UBA3: variants seen among roughly 807,000 people sequenced by gnomAD.
UBA3 encodes ubiquitin like modifier activating enzyme 3.
A neutral mutation model predicts 73.5 loss-of-function variants in UBA3; 26 were observed. The observed-to-expected ratio is 0.35, with a 90% CI of 0.26 to 0.49. The LOEUF is 0.49. UBA3 is among the 20% of genes least tolerant of loss of function. UBA3 has a pLI of 0.98. For synonymous variants in UBA3, 217 were observed against 191.2 expected, an observed-to-expected ratio of 1.13 and a Z score of -1.11; for missense variants, 495 against 555.6, an observed-to-expected ratio of 0.89 and a Z score of 1.10.
chr3:69,062,119 A>T lies in UBA3; in HGVS notation c.754T>A (p.Tyr252Asn). The change falls in exon 10 of 18, where the codon TAT (tyrosine) becomes AAT (asparagine). Residue 252 changes from tyrosine (Y) to asparagine (N), a missense_variant. Transcript: ENST00000361055. ...MPRLPEHCIE[Y>N]VRMLQWPKEQ... ...TTAGGCCACTGCAACATCCTTACAT[A>T]CTCAATACAGTGTTCTGGTAGCCTG... 6.2e-7 allele frequency: 1 copy of T among 1,613,690 alleles called. No homozygotes were observed. The highest frequency in any genetic ancestry group is 8.5e-7 in the Non-Finnish European group (1 of 1,179,754).
At position 69,061,946 on chromosome 3, in the gene UBA3, G is replaced by GA; in HGVS notation, c.797-20_797-19insT. 4.4e-6 allele frequency: 6 copies of GA among 1,375,844 alleles called. No homozygotes were observed. The highest frequency in any genetic ancestry group is 2.8e-5 in the South Asian group (2 of 72,360). The allele number at this position is 1,375,844 out of a possible 1,614,324, so 85.2% of individuals were successfully genotyped here. On this transcript the variant is annotated intron_variant, in intron 10 of 17. Transcript: ENST00000361055. The stretch of plus-strand genomic sequence containing the variant: ...ACCCCTTCTGTTTAAAAAAAAAAAG[G>GA]GAGAGAGAGAGAGAGAGAAGACAGG...
At chr3:69,078,716 G>A (rs747020089) in intron 2 of UBA3, among the ~76,000 whole-genome samples, 9 of 152,028 alleles carry the variant, frequency 5.9e-5, no homozygotes, top group Non-Finnish European at 8.8e-5. Flanking sequence ...CAAGTAATCC[G>A]TCCACCTCGG....
chr3:69,067,852 C>T, intron 6 of UBA3, 76 bp downstream of exon 6: 1 of 1,118,154 alleles, frequency 8.9e-7, no homozygotes, highest in Non-Finnish European at 1.3e-6. Context: ...TATCTGTATT[C>T]TCTGTTAAAT....
At chr3:69,079,405 C>A (rs974430123) in intron 2 of UBA3, among the ~76,000 whole-genome samples, 10 of 152,190 alleles carry the variant, frequency 6.6e-5, no homozygotes, top group Admixed American at 4.6e-4. Flanking sequence ...GGAATCGGCA[C>A]GGAAATTTAC....
At chr3:69,067,140 T>A (rs950944508) in intron 6 of UBA3, among the ~76,000 whole-genome samples, 1 of 152,218 alleles carries the variant, frequency 6.6e-6, no homozygotes, top group African/African-American at 2.4e-5. Context: ...ATGGTATATA[T>A]GTATACAAAT....
At chr3:69,063,926 T>C in intron 7 of UBA3, 142 bp downstream of exon 7, 1 of 709,000 alleles carries the variant, frequency 1.4e-6, no homozygotes, top group East Asian at 2.8e-5. Context: ...TTTCAGTCTA[T>C]CAGCAACATT....
In UBA3 at chr3:69,071,663, T is replaced by C. The variant is rs2092123218; in HGVS notation, c.265-46A>G. On this transcript the variant is annotated intron_variant, in intron 4 of 17. Coordinates refer to ENST00000361055, the MANE Select transcript of UBA3 (RefSeq NM_003968.4). ...CAATTAAGCAGAAGTTTCCTCACAT[T>C]TAAAAACGTAACATTTGTTTTCAAT... is the stretch of plus-strand genomic sequence containing the variant. 4.9e-6 allele frequency: 6 copies of C among 1,218,480 alleles called. No homozygotes were observed. The South Asian group carries it at 7.2e-5, about 15-fold the overall frequency. The allele number at this position is 1,218,480 out of a possible 1,614,324, so 75.5% of individuals were successfully genotyped here. A position where few individuals can be genotyped will look rare whatever the true frequency, so the allele number is the denominator to read the frequency against.
At position 69,062,993 on chromosome 3, in the gene UBA3, A is replaced by G. The variant is rs1196736402; in HGVS notation, c.682T>C (p.Tyr228His). 6.2e-7 allele frequency: 1 copy of G among 1,613,994 alleles called. No individual in the cohort carries two copies. The highest frequency in any genetic ancestry group is 1.1e-5 in the South Asian group (1 of 91,056). The change falls in exon 9 of 18, where the codon TAT (tyrosine) becomes CAT (histidine). Residue 228 changes from tyrosine to histidine, a missense_variant. Coordinates refer to ENST00000361055, the MANE Select transcript of UBA3 (RefSeq NM_003968.4). ...GCTTTTTTGATTACCTGTGGTGGAT[A>G]AAGTTCCAGCGTGCATTCGATACAA... ...TACIECTLEL[Y>H]PPQVNFPMCT...
At position 69,080,098 on chromosome 3, in the gene UBA3, C is replaced by T; in HGVS notation, c.62+14G>A. On this transcript the variant is annotated intron_variant, in intron 2 of 17. Coordinates refer to ENST00000361055, the MANE Select transcript of UBA3 (RefSeq NM_003968.4). ...GGTCCCCGGAGAGGGCCCCGGCCTC[C>T]CGGCAGCACTAACTTCTCAGCCAGC... 2 of 1,607,706 alleles carry T rather than the reference C, an allele frequency of 1.2e-6. No homozygotes were observed. Among genetic ancestry groups the T allele is most frequent in the South Asian group, 1.1e-5 (1 of 90,872 alleles).
rs112540232 is a variant in UBA3, at chr3:69,080,154, C to G, written c.21-1G>C. On this transcript the variant is annotated splice_acceptor_variant, in intron 1 of 17. Transcript: ENST00000361055. LOFTEE classifies it high-confidence loss of function. ...CTCTATTCTCCTTCTTTTCTTCTCC[C>G]TAAAAGAGAGAATAAAAGAAGGGTC... 6.2e-7 allele frequency: 1 copy of G among 1,608,298 alleles called. No individual in the cohort carries two copies. The highest frequency in any genetic ancestry group is 8.5e-7 in the Non-Finnish European group (1 of 1,178,264).
intron 2 of UBA3, chr3:69,079,868 G>T (rs2092202894): frequency 6.0e-6 from 3 of 497,938 alleles, no homozygotes; most frequent in Non-Finnish European, 1.1e-5. Flanking sequence ...CAAGCACCCC[G>T]GAGGGCCCCT....
At chr3:69,063,597 C>T in intron 7 of UBA3, 94 bp from the exon 8 acceptor site, 1 of 1,014,992 alleles carries the variant, frequency 9.9e-7, no homozygotes, top group Non-Finnish European at 1.4e-6. Flanking sequence ...AAATGTACCA[C>T]TCTGGTGCAA....
chr3:69,063,825 G>A (rs975053143), intron 7 of UBA3, among the ~76,000 whole-genome samples: 7 of 152,008 alleles, frequency 4.6e-5, no homozygotes, highest in African/African-American at 1.7e-4. Context: ...TCCCACATAC[G>A]TTCTCAGAGC....
rs772113032 is a variant in UBA3, at chr3:69,056,230, T to G, written c.1137A>C (p.Ser379=). 2.5e-6 allele frequency: 4 copies of G among 1,605,140 alleles called. No individual in the cohort carries two copies. In the South Asian group the frequency reaches 4.5e-5, roughly 18 times the overall value. ...AATCCAAAACCTCCTGTAGTTTAGC[T>G]GATGGAGAAAACTGAATATTTTGAG... is the stretch of plus-strand genomic sequence containing the variant. The part of the protein sequence containing the change: ...QLPQNIQFSP[S]AKLQEVLDYL... Residue 379 remains serine, a synonymous_variant, in exon 15 of 18, where the codon TCA becomes TCC. Coordinates refer to ENST00000361055, the MANE Select transcript of UBA3 (RefSeq NM_003968.4).
rs375639665 is a variant in UBA3, at chr3:69,077,692, A to C, written c.183+106T>G. The C allele has an allele frequency of 1.2e-4, 152 of 1,265,794 alleles. 1 individual carries two copies. The South Asian group carries it at 2.5e-3, about 21-fold the overall frequency. 78.4% of individuals were successfully genotyped at this position (1,265,794 alleles called of 1,614,324 possible). A position where few individuals can be genotyped will look rare whatever the true frequency, so the allele number is the denominator to read the frequency against. On this transcript the variant is annotated intron_variant, in intron 3 of 17. Coordinates refer to ENST00000361055, the MANE Select transcript of UBA3 (RefSeq NM_003968.4). ...AAGAAAAATTTAGTTTCACAAAACA[A>C]TTTTATTAGTATTTTCATTGTAAGA...
chr3:69,067,052 G>A (rs914334739), intron 6 of UBA3, among the ~76,000 whole-genome samples: 1 of 152,048 alleles, frequency 6.6e-6, no homozygotes, highest in Non-Finnish European at 1.5e-5. Flanking sequence ...ATTTGTAGTA[G>A]GTATTCCTTT....
rs766860858 is a variant in UBA3, at chr3:69,077,832, G to C, written c.149C>G (p.Pro50Arg). The C allele has an allele frequency of 3.7e-6, 6 of 1,613,732 alleles. No individual in the cohort carries two copies. The highest frequency in any genetic ancestry group is 5.1e-6 in the Non-Finnish European group (6 of 1,179,804). The change falls in exon 3 of 18, where the codon CCC becomes CGC. Residue 50 changes from proline to arginine, a missense_variant. Pro to Arg is a moderately radical substitution (Grantham distance 103, BLOSUM62 -2). Coordinates refer to ENST00000361055, the MANE Select transcript of UBA3 (RefSeq NM_003968.4). Reference sequence around the variant, plus strand: ...CGGTTCGAAATCAGGGTGTGTGAAGGGTCCAGATCGCTCGAGGAACTTCTT... The same window carrying C: ...CGGTTCGAAATCAGGGTGTGTGAAGCGTCCAGATCGCTCGAGGAACTTCTT... Reference protein sequence around the residue: ...HVKKFLERSGPFTHPDFEPST... With the variant: ...HVKKFLERSGRFTHPDFEPST...
At position 69,059,584 on chromosome 3, in the gene UBA3, G is replaced by C. The variant is rs371742930; in HGVS notation, c.910+2230C>G. Among the ~76,000 whole-genome samples, 15 of 152,296 alleles carry C rather than the reference G, an allele frequency of 9.8e-5. No homozygotes were observed. The East Asian group carries it at 2.7e-3, about 27-fold the overall frequency. Reference sequence around the variant, plus strand: ...CCATCCCCGGCGTAGGAACTCGGGAGTATTAAAGCTCTAAGGTACAGAAGA... The same window carrying C: ...CCATCCCCGGCGTAGGAACTCGGGACTATTAAAGCTCTAAGGTACAGAAGA... On this transcript the variant is annotated intron_variant, in intron 11 of 17. Transcript: ENST00000361055.
intron 5 of UBA3, among the ~76,000 whole-genome samples, chr3:69,068,400 G>C (rs1357548959): frequency 6.6e-6 from 1 of 151,730 alleles, no homozygotes; most frequent in African/African-American, 2.4e-5. Context: ...TACACAATAA[G>C]ATTCATCCTT....
Sources: allele counts gnomAD v4.1 joint callset (sites outside exome capture counted in the v4.1 genomes callset), GRCh38; gene constraint gnomAD v4.1.1; transcripts MANE v1.5; gene names NCBI Gene and HGNC (gene_info 2026-07-23, HGNC 2026-07-21).